Variants in FGL1 observed in about 807,000 individuals in gnomAD.
FGL1 encodes fibrinogen like 1.
Under a neutral mutation model 43.7 loss-of-function variants are expected in FGL1, and 59 were observed. The observed-to-expected ratio is 1.35, with a 90% CI of 1.10 to 1.68. The LOEUF is 1.68. Among genes scored for constraint, FGL1 ranks in the 40% most tolerant of loss-of-function variants. The pLI is 0.00. For synonymous variants in FGL1, 192 were observed against 126.5 expected (o/e 1.52, Z -3.48); for missense variants, 596 against 373.0 (o/e 1.60, Z -4.92).
chr8:17,891,079 C>T (rs980928392), intron 1 of FGL1, among the ~76,000 whole-genome samples: 5 of 152,174 alleles, frequency 3.3e-5, no homozygotes, highest in Admixed American at 6.5e-5. Context: ...TGTTTATTGT[C>T]TACCTACTCC....
At chr8:17,876,010 G>C (rs1174632502) in intron 3 of FGL1, among the ~76,000 whole-genome samples, 1 of 152,102 alleles carries the variant, frequency 6.6e-6, no homozygotes, top group Non-Finnish European at 1.5e-5. Flanking sequence ...GTGGCAAATG[G>C]GGACCTCTCT....
intron 7 of FGL1, among the ~76,000 whole-genome samples, chr8:17,867,031 A>C (rs537249203): frequency 6.6e-6 from 1 of 152,324 alleles, no homozygotes; most frequent in South Asian, 2.1e-4. Flanking sequence ...GAAATACTCC[A>C]GTTCCTTTAT....
At chr8:17,882,740 A>AT (rs1423353939) in intron 2 of FGL1, 1 of 134,822 alleles carries the variant, frequency 7.4e-6, no homozygotes, top group African/African-American at 2.7e-5. Context: ...CATATAAATA[A>AT]TATATAATAT....
intron 5 of FGL1, among the ~76,000 whole-genome samples, chr8:17,873,520 T>C (rs1329543375): frequency 6.6e-6 from 1 of 152,174 alleles, no homozygotes; most frequent in Non-Finnish European, 1.5e-5. Flanking sequence ...TTGTTGATTT[T>C]AAGCCACTAA....
intron 7 of FGL1, among the ~76,000 whole-genome samples, chr8:17,867,351 A>C (rs538645358): frequency 1.1e-4 from 16 of 152,194 alleles, no homozygotes; most frequent in Non-Finnish European, 1.8e-4. Flanking sequence ...CCAAAAGAAG[A>C]CCACGACAGT....
intron 1 of FGL1, chr8:17,891,748 A>G: frequency 8.1e-6 from 8 of 983,674 alleles, no homozygotes; most frequent in Non-Finnish European, 9.7e-6. Context: ...TGGGAGATCA[A>G]ATTCTTTTGT....
intron 1 of FGL1, among the ~76,000 whole-genome samples, chr8:17,894,593 T>C (rs575252614): frequency 4.8e-5 from 7 of 147,166 alleles, no homozygotes; most frequent in Non-Finnish European, 8.9e-5. Context: ...TTTAATTTTT[T>C]ATACTGAAAC....
chr8:17,870,959 G>GCAGTAGAAGAGGACA (rs3831580), intron 5 of FGL1, among the ~76,000 whole-genome samples: 2 of 151,410 alleles, frequency 1.3e-5, no homozygotes, highest in African/African-American at 4.9e-5. Context: ...GCACACACCA[G>GCAGTAGAAGAGGACA]GACGAGAACA....
chr8:17,874,249 A>T, intron 4 of FGL1, 113 bp downstream of exon 4: 1 of 1,378,956 alleles, frequency 7.3e-7, no homozygotes, highest in Non-Finnish European at 1.0e-6. Context: ...ATTCTTCTTT[A>T]GAGAGATTGA....
intron 3 of FGL1, among the ~76,000 whole-genome samples, chr8:17,878,823 T>C (rs966340141): frequency 6.6e-6 from 1 of 151,902 alleles, no homozygotes; most frequent in Non-Finnish European, 1.5e-5. Flanking sequence ...TGTATGAATA[T>C]TTAATTGTTT....
intron 7 of FGL1, among the ~76,000 whole-genome samples, chr8:17,867,300 A>G (rs1376011199): frequency 6.6e-6 from 1 of 152,210 alleles, no homozygotes; most frequent in Non-Finnish European, 1.5e-5. Context: ...GAAAGACATG[A>G]TATAGATTCA....
chr8:17,866,633 T>C (rs2517287), intron 7 of FGL1, among the ~76,000 whole-genome samples: 21,692 of 152,194 alleles, frequency 0.14, 2,009 homozygotes, highest in African/African-American at 0.26. Flanking sequence ...TGGCCTTTCT[T>C]TGTGCTCCCT....
intron 3 of FGL1, among the ~76,000 whole-genome samples, chr8:17,875,524 T>TC (rs2053435133): frequency 8.7e-5 from 1 of 11,484 alleles, no homozygotes; most frequent in African/African-American, 2.7e-4. Context: ...TCTTTCTTTC[T>TC]TTCTTTCTTT....
rs192512203 is a variant in FGL1, at chr8:17,881,437, G to A, written c.244+562C>T. ...GGCGTGAGCCACCGCACTTGGCTGT[G>A]TCCATCAGTATTTAAACAATCTATT... On this transcript the variant is annotated intron_variant, in intron 3 of 7. Coordinates refer to ENST00000427924, the MANE Select transcript of FGL1 (RefSeq NM_004467.4). 2.2e-3 allele frequency among the ~76,000 whole-genome samples: 337 copies of A among 151,850 alleles called. 10 individuals are homozygous for A. The highest frequency in any genetic ancestry group is 0.022 in the Admixed American group (330 of 15,260).
intron 3 of FGL1, among the ~76,000 whole-genome samples, chr8:17,879,752 C>G (rs1358672766): frequency 1.3e-5 from 2 of 151,694 alleles, no homozygotes; most frequent in African/African-American, 4.9e-5. Context: ...AACGACCCAG[C>G]CTCATTCATT....
In FGL1 at chr8:17,885,492, C is replaced by G. The variant is rs1335297974; in HGVS notation, c.63G>C (p.Ser21=). ...TTALTMGREI[S]ALEDCAQEQM... is the part of the protein sequence containing the mutation. ...ACAATAGTTTTCCCAAGAAGCTTAC[C>G]GAAATTTCCCTGCCCATTGTCAGAG... The change falls in exon 2 of 8, where the codon TCG becomes TCC. Residue 21 remains serine, a splice_region_variant and synonymous_variant. Transcript: ENST00000427924. 2 of 1,609,582 alleles carry G rather than the reference C, an allele frequency of 1.2e-6. No homozygotes were observed. The highest frequency in any genetic ancestry group is 2.2e-5 in the South Asian group (2 of 90,484).
chr8:17,889,888 T>C (rs533213585), intron 1 of FGL1, among the ~76,000 whole-genome samples: 1 of 152,340 alleles, frequency 6.6e-6, no homozygotes, highest in East Asian at 1.9e-4. Flanking sequence ...TATAACCATT[T>C]ATACTACAAT....
chr8:17,866,524 C>G lies in FGL1; in HGVS notation c.780-1773G>C, dbSNP rs760067620. Among the ~76,000 whole-genome samples the G allele has an allele frequency of 1.2e-4, 18 of 152,186 alleles. 1 individual carries two copies. Among genetic ancestry groups the G allele is most frequent in the Non-Finnish European group, 2.4e-4 (16 of 68,028 alleles). On this transcript the variant is annotated intron_variant, in intron 7 of 7. Coordinates refer to ENST00000427924, the MANE Select transcript of FGL1 (RefSeq NM_004467.4). Reference sequence around the variant, plus strand: ...CCAAGTTTCTAAAACAATCTACTTTCTCTCCCTTAATGCCTACTGATTTTC... The same window carrying G: ...CCAAGTTTCTAAAACAATCTACTTTGTCTCCCTTAATGCCTACTGATTTTC...
intron 5 of FGL1, among the ~76,000 whole-genome samples, chr8:17,870,732 C>A (rs1345100723): frequency 6.6e-6 from 1 of 151,970 alleles, no homozygotes; most frequent in Non-Finnish European, 1.5e-5. Context: ...ATGGTGAAAC[C>A]CTGTCTCTAT....
Sources: allele counts gnomAD v4.1 joint callset (sites outside exome capture counted in the v4.1 genomes callset), GRCh38; gene constraint gnomAD v4.1.1; transcripts MANE v1.5; gene names NCBI Gene and HGNC (gene_info 2026-07-23, HGNC 2026-07-21).